Variants in SLC24A3 observed in about 807,000 individuals in gnomAD.
SLC24A3 encodes solute carrier family 24 member 3, also known as sodium/potassium/calcium exchanger 3.
SLC24A3 carries 28 observed loss-of-function variants against 75.8 expected under a neutral mutation model. The ratio of observed to expected loss-of-function variants is 0.37; its 90% CI spans 0.27 to 0.51. The LOEUF is 0.51. Among genes scored for constraint, SLC24A3 ranks in the 20% least tolerant of loss-of-function variants. The pLI is 0.94. For missense variants in SLC24A3, 663 were observed against 847.8 expected, an observed-to-expected ratio of 0.78 and a Z score of 2.71; for synonymous variants, 372 against 334.1, an observed-to-expected ratio of 1.11 and a Z score of -1.24.
intron 2 of SLC24A3, among the ~76,000 whole-genome samples, chr20:19,503,766 T>G (rs1160326848): frequency 6.6e-6 from 1 of 152,234 alleles, no homozygotes; most frequent in Non-Finnish European, 1.5e-5. Flanking sequence ...TAGATATTTA[T>G]TTCATTATCA....
At chr20:19,663,417 T>TCCA (rs1568689534) in intron 7 of SLC24A3, among the ~76,000 whole-genome samples, 1 of 37,094 alleles carries the variant, frequency 2.7e-5, no homozygotes. Flanking sequence ...CACCTCCTCC[T>TCCA]CCTCCTCCTC....
intron 2 of SLC24A3, among the ~76,000 whole-genome samples, chr20:19,295,597 G>A (rs559321917): frequency 6.6e-6 from 1 of 152,246 alleles, no homozygotes; most frequent in Admixed American, 6.5e-5. Flanking sequence ...TCTTTTCTGT[G>A]TCTATTGAGA....
intron 2 of SLC24A3, among the ~76,000 whole-genome samples, chr20:19,465,987 C>A (rs1987759431): frequency 6.6e-6 from 1 of 152,192 alleles, no homozygotes; most frequent in African/African-American, 2.4e-5. Flanking sequence ...TTTAGGTAGT[C>A]ATTCTCCTTG....
At chr20:19,554,136 C>G (rs562586037) in intron 3 of SLC24A3, among the ~76,000 whole-genome samples, 3 of 152,010 alleles carry the variant, frequency 2.0e-5, no homozygotes, top group South Asian at 4.2e-4. Flanking sequence ...TGTGAAAGTG[C>G]CAAGTTTAAA....
intron 3 of SLC24A3, among the ~76,000 whole-genome samples, chr20:19,554,263 A>C (rs895981991): frequency 6.6e-6 from 1 of 152,250 alleles, no homozygotes; most frequent in Non-Finnish European, 1.5e-5. Context: ...ATTTGGATAC[A>C]TTCAGTTAAA....
intron 6 of SLC24A3, among the ~76,000 whole-genome samples, chr20:19,592,680 T>C (rs930114155): frequency 3.9e-5 from 6 of 152,278 alleles, no homozygotes; most frequent in African/African-American, 1.2e-4. Context: ...AAGTGAGTAA[T>C]TTTCATGTTT....
chr20:19,697,832 CTA>C (rs2032828018), intron 14 of SLC24A3, among the ~76,000 whole-genome samples: 1 of 152,150 alleles, frequency 6.6e-6, no homozygotes, highest in South Asian at 2.1e-4. Context: ...GAGTCACTTT[CTA>C]GAATGGTTGA....
intron 12 of SLC24A3, 114 bp from the exon 13 acceptor site, chr20:19,693,145 A>C (rs770574803): frequency 1.8e-5 from 20 of 1,117,714 alleles, no homozygotes; most frequent in Non-Finnish European, 2.5e-5. Flanking sequence ...CAATATAATA[A>C]GGTTTAATTC....
At chr20:19,609,690 C>T (rs900723492) in intron 6 of SLC24A3, among the ~76,000 whole-genome samples, 1 of 152,218 alleles carries the variant, frequency 6.6e-6, no homozygotes, top group Non-Finnish European at 1.5e-5. Context: ...AAGCTAAAAT[C>T]TCAATGCAAC....
intron 9 of SLC24A3, among the ~76,000 whole-genome samples, chr20:19,679,770 A>G (rs1198139309): frequency 1.3e-5 from 2 of 152,198 alleles, no homozygotes; most frequent in African/African-American, 2.4e-5. Flanking sequence ...TTTTAGTTTC[A>G]TAAATATCAT....
At chr20:19,702,870 A>G (rs1382322159) in intron 15 of SLC24A3, among the ~76,000 whole-genome samples, 1 of 152,216 alleles carries the variant, frequency 6.6e-6, no homozygotes, top group Admixed American at 6.5e-5. Context: ...TTCAATGGAA[A>G]AATTTCTGGT....
chr20:19,290,328 T>C (rs1022937427), intron 2 of SLC24A3, among the ~76,000 whole-genome samples: 5 of 152,142 alleles, frequency 3.3e-5, no homozygotes, highest in Non-Finnish European at 7.4e-5. Context: ...TCCAGGGGGT[T>C]ATAGTCTGAG....
At chr20:19,677,686 C>CTTTTTTTTTTTTTTTTTTTTTTTTTT (rs796484728) in intron 9 of SLC24A3, among the ~76,000 whole-genome samples, 26 of 113,930 alleles carry the variant, frequency 2.3e-4, no homozygotes, top group South Asian at 3.2e-4. Flanking sequence ...TTTTTTTTTT[C>CTTTTTTTTTTTTTTTTTTTTTTTTTT]TTTTTTTTTT....
intron 2 of SLC24A3, among the ~76,000 whole-genome samples, chr20:19,362,417 G>A (rs1042826032): frequency 5.9e-5 from 9 of 152,210 alleles, no homozygotes; most frequent in African/African-American, 1.7e-4. Flanking sequence ...TGAGCTCAGC[G>A]CTTTTTCGTG....
chr20:19,629,037 T>A (rs1321307253), intron 6 of SLC24A3, among the ~76,000 whole-genome samples: 3 of 151,244 alleles, frequency 2.0e-5, no homozygotes, highest in African/African-American at 7.3e-5. Flanking sequence ...AATTAATAAA[T>A]CTCCAGTAAC....
chr20:19,585,911 A>T (rs1187920009), intron 6 of SLC24A3, among the ~76,000 whole-genome samples: 16 of 152,244 alleles, frequency 1.1e-4, no homozygotes, highest in Admixed American at 1.0e-3. Context: ...TGGAAATAGA[A>T]TACATGAGAA....
At chr20:19,583,904 A>T (rs1421134697) in intron 4 of SLC24A3, among the ~76,000 whole-genome samples, 1 of 152,184 alleles carries the variant, frequency 6.6e-6, no homozygotes, top group African/African-American at 2.4e-5. Flanking sequence ...AGGATCCTAG[A>T]TCAAAATCCT....
At chr20:19,310,322 T>A (rs1204584177) in intron 2 of SLC24A3, among the ~76,000 whole-genome samples, 1 of 152,168 alleles carries the variant, frequency 6.6e-6, no homozygotes, top group Non-Finnish European at 1.5e-5. Flanking sequence ...ATGCACTGAG[T>A]CTGACCATGA....
At chr20:19,344,728 A>G (rs1317011013) in intron 2 of SLC24A3, among the ~76,000 whole-genome samples, 1 of 152,148 alleles carries the variant, frequency 6.6e-6, no homozygotes, top group Non-Finnish European at 1.5e-5. Flanking sequence ...GCTTCTGGAG[A>G]AATTAACTCC....
Sources: allele counts gnomAD v4.1 joint callset (sites outside exome capture counted in the v4.1 genomes callset), GRCh38; gene constraint gnomAD v4.1.1; transcripts MANE v1.5; gene names NCBI Gene and HGNC (gene_info 2026-07-23, HGNC 2026-07-21).